EXOC4: variants seen among roughly 807,000 people sequenced by gnomAD.
EXOC4 encodes the protein exocyst complex component 4.
In EXOC4, 71 loss-of-function variants were observed where a neutral mutation model predicts 107.2. The observed-to-expected ratio is 0.66, with a 90% CI of 0.55 to 0.81. The LOEUF (loss-of-function observed/expected upper bound fraction) is 0.81. Ranked by LOEUF, EXOC4 falls within the 30% of genes least tolerant of loss-of-function variation. The pLI is 0.00. For synonymous variants in EXOC4, 456 were observed against 441.2 expected, an observed-to-expected ratio of 1.03 and a Z score of -0.42; for missense variants, 1,108 against 1,189.6, an observed-to-expected ratio of 0.93 and a Z score of 1.01.
intron 14 of EXOC4, among the ~76,000 whole-genome samples, chr7:133,956,600 G>A (rs1029694662): frequency 6.6e-6 from 1 of 152,188 alleles, no homozygotes; most frequent in Admixed American, 6.5e-5. Flanking sequence ...TGGGGGAACT[G>A]GGGGCCTCTC....
chr7:133,965,083 A>G (rs1801031740), intron 14 of EXOC4, among the ~76,000 whole-genome samples: 1 of 152,206 alleles, frequency 6.6e-6, no homozygotes, highest in African/African-American at 2.4e-5. Context: ...ATGACCAGTG[A>G]TGATGAGCTT....
At chr7:133,367,213 G>A (rs1410105569) in intron 6 of EXOC4, among the ~76,000 whole-genome samples, 1 of 152,136 alleles carries the variant, frequency 6.6e-6, no homozygotes, top group Non-Finnish European at 1.5e-5. Context: ...TTGAAGATTA[G>A]GGGCAAATGA....
intron 12 of EXOC4, among the ~76,000 whole-genome samples, chr7:133,906,945 A>C (rs184295292): frequency 3.3e-5 from 5 of 152,322 alleles, no homozygotes; most frequent in Admixed American, 1.3e-4. Flanking sequence ...GCACAGCCCA[A>C]GATTCCATTC....
chr7:133,754,949 G>T (rs2151142709), intron 10 of EXOC4, among the ~76,000 whole-genome samples: 1 of 151,922 alleles, frequency 6.6e-6, no homozygotes, highest in African/African-American at 2.4e-5. Flanking sequence ...GCTGGTCAGT[G>T]AATGCGTATT....
intron 14 of EXOC4, among the ~76,000 whole-genome samples, chr7:133,962,629 C>G (rs1165012281): frequency 1.3e-5 from 2 of 152,086 alleles, no homozygotes; most frequent in African/African-American, 4.8e-5. Context: ...CTAAATCTTA[C>G]CACACAAACA....
intron 9 of EXOC4, among the ~76,000 whole-genome samples, chr7:133,605,070 T>C (rs1801906820): frequency 6.6e-6 from 1 of 152,104 alleles, no homozygotes; most frequent in Non-Finnish European, 1.5e-5. Context: ...TGGCCTAACC[T>C]CTTCTTGTCT....
chr7:133,700,184 T>G (rs1794626257), intron 10 of EXOC4, among the ~76,000 whole-genome samples: 1 of 152,206 alleles, frequency 6.6e-6, no homozygotes, highest in Non-Finnish European at 1.5e-5. Context: ...TACTTTTGAC[T>G]CCAGGACTTT....
intron 10 of EXOC4, among the ~76,000 whole-genome samples, chr7:133,794,710 CACTT>C: frequency 6.6e-6 from 1 of 152,200 alleles, no homozygotes; most frequent in Non-Finnish European, 1.5e-5. Flanking sequence ...AACCCACTGG[CACTT>C]ACCACTTTCT....
chr7:133,599,459 C>T (rs551569383), intron 9 of EXOC4, among the ~76,000 whole-genome samples: 1 of 152,286 alleles, frequency 6.6e-6, no homozygotes, highest in South Asian at 2.1e-4. Context: ...CAGCCTTCCC[C>T]TTAACCCTGC....
intron 15 of EXOC4, among the ~76,000 whole-genome samples, chr7:133,999,394 G>A (rs1794476523): frequency 6.6e-6 from 1 of 152,108 alleles, no homozygotes; most frequent in African/African-American, 2.4e-5. Context: ...TATTGCTTGT[G>A]AGAGCCTTGT....
At chr7:134,042,224 TG>T (rs552856442) in intron 17 of EXOC4, among the ~76,000 whole-genome samples, 227 of 152,346 alleles carry the variant, frequency 1.5e-3, no homozygotes, top group African/African-American at 4.9e-3. Flanking sequence ...AAATCACTTT[TG>T]GATTCCCTTG....
chr7:133,460,649 A>G (rs1284773755), intron 7 of EXOC4, among the ~76,000 whole-genome samples: 2 of 152,008 alleles, frequency 1.3e-5, no homozygotes, highest in South Asian at 4.2e-4. Context: ...GTCGACAGGT[A>G]TTTTTCATTA....
intron 10 of EXOC4, 73 bp downstream of exon 10, chr7:133,630,214 G>C (rs954369812): frequency 8.5e-7 from 1 of 1,174,000 alleles, no homozygotes; most frequent in South Asian, 1.3e-5. Flanking sequence ...CTGAATGCCA[G>C]TTGTTGAGTC....
At chr7:133,762,564 T>C (rs913592007) in intron 10 of EXOC4, among the ~76,000 whole-genome samples, 2 of 152,188 alleles carry the variant, frequency 1.3e-5, no homozygotes, top group East Asian at 3.9e-4. Flanking sequence ...AGGTGCTAGA[T>C]TGATATGCAT....
In EXOC4 at chr7:133,907,728, A is replaced by G. The variant is rs555327412; in HGVS notation, c.1872-9855A>G. On this transcript the variant is annotated intron_variant, in intron 12 of 17. Coordinates refer to ENST00000253861, the MANE Select transcript of EXOC4 (RefSeq NM_021807.4). ...GTGGCAGGTTCCTGTAATCCCTTCT[A>G]CTCAGGAGGCTGAGGCAGGAGAATC... 1.2e-3 allele frequency among the ~76,000 whole-genome samples: 190 copies of G among 152,174 alleles called. 1 individual carries two copies. Among genetic ancestry groups the G allele is most frequent in the South Asian group, 3.1e-3 (15 of 4,816 alleles).
the EXOC4 span, among the ~76,000 whole-genome samples, chr7:134,083,920 C>G: frequency 6.6e-6 from 1 of 152,208 alleles, no homozygotes; most frequent in Non-Finnish European, 1.5e-5. Flanking sequence ...TGTTCTCCTT[C>G]TGCTCCTCTA....
chr7:133,529,128 C>G (rs1358305052), intron 9 of EXOC4, among the ~76,000 whole-genome samples: 1 of 152,156 alleles, frequency 6.6e-6, no homozygotes, highest in African/African-American at 2.4e-5. Context: ...TATTGAAAAA[C>G]TCTATTGGCC....
intron 9 of EXOC4, among the ~76,000 whole-genome samples, chr7:133,495,193 A>G (rs1171661149): frequency 1.3e-5 from 2 of 152,030 alleles, no homozygotes; most frequent in Non-Finnish European, 2.9e-5. Flanking sequence ...CGGAGATTGC[A>G]GTGAGCTGAG....
intron 17 of EXOC4, among the ~76,000 whole-genome samples, chr7:134,026,458 G>T (rs1407156278): frequency 6.6e-6 from 1 of 150,648 alleles, no homozygotes; most frequent in Non-Finnish European, 1.5e-5. Flanking sequence ...AAGTTGCTCA[G>T]TGTAATCTGG....
Sources: allele counts gnomAD v4.1 joint callset (sites outside exome capture counted in the v4.1 genomes callset), GRCh38; gene constraint gnomAD v4.1.1; transcripts MANE v1.5; gene names NCBI Gene and HGNC (gene_info 2026-07-23, HGNC 2026-07-21).